Variants in RORA observed in about 807,000 individuals in gnomAD.
The protein encoded by RORA is RAR related orphan receptor A, also known as nuclear receptor ROR-alpha.
A neutral mutation model predicts 69.5 loss-of-function variants in RORA; 7 were observed. The ratio of observed to expected loss-of-function variants is 0.10; its 90% CI spans 0.06 to 0.19. The LOEUF (loss-of-function observed/expected upper bound fraction) is 0.19. Among genes scored for constraint, RORA ranks in the 10% least tolerant of loss-of-function variants. The pLI is 1.00. For missense variants in RORA, 457 were observed against 663.0 expected, an observed-to-expected ratio of 0.69 and a Z score of 3.41; for synonymous variants, 261 against 240.8, an observed-to-expected ratio of 1.08 and a Z score of -0.78.
intron 1 of RORA, among the ~76,000 whole-genome samples, chr15:61,105,364 G>A (rs2078938270): frequency 6.6e-6 from 1 of 152,178 alleles, no homozygotes; most frequent in African/African-American, 2.4e-5. Flanking sequence ...CACTAAGTGT[G>A]TTTAATTATT....
At chr15:60,519,887 T>TATCA (rs1428831683) in intron 3 of RORA, 1 of 152,064 alleles carries the variant, frequency 6.6e-6, no homozygotes, top group Non-Finnish European at 1.5e-5. Context: ...ACAGAATAAC[T>TATCA]ATCATTAAAG....
At chr15:60,652,082 G>A (rs1457271971) in intron 2 of RORA, among the ~76,000 whole-genome samples, 2 of 151,400 alleles carry the variant, frequency 1.3e-5, no homozygotes, top group Admixed American at 6.6e-5. Flanking sequence ...TTCCTGTTAG[G>A]TGTCCTCTGT....
At position 61,119,091 on chromosome 15, in the gene RORA, G is replaced by GC. The variant is rs1183277277; in HGVS notation, c.166+109961_166+109962insG. On this transcript the variant is annotated intron_variant, in intron 1 of 10. Transcript: ENST00000335670. ...GATGCAGTTAACAGAAGGGGGGGGG[G>GC]GGCGCCATGGAGCAGTCGTGTGAGC... 7.0e-3 allele frequency among the ~76,000 whole-genome samples: 1,037 copies of GC among 148,600 alleles called. 31 individuals carry two copies. Among genetic ancestry groups the GC allele is most frequent in the African/African-American group, 0.024 (967 of 40,638 alleles).
intron 1 of RORA, among the ~76,000 whole-genome samples, chr15:60,730,331 C>A (rs1328184083): frequency 6.6e-6 from 1 of 152,220 alleles, no homozygotes; most frequent in Middle Eastern, 3.2e-3. Flanking sequence ...AAATGCCATT[C>A]TTCTCATTCT....
At chr15:60,560,693 G>A (rs2067513260) in intron 2 of RORA, among the ~76,000 whole-genome samples, 1 of 152,222 alleles carries the variant, frequency 6.6e-6, no homozygotes, top group Non-Finnish European at 1.5e-5. Context: ...ACAGCAAGAT[G>A]TGTCTCAATA....
At chr15:60,746,290 A>G (rs1231565412) in intron 1 of RORA, among the ~76,000 whole-genome samples, 2 of 152,060 alleles carry the variant, frequency 1.3e-5, no homozygotes, top group Non-Finnish European at 2.9e-5. Context: ...GTGGTGGGCC[A>G]TGTGCATTTT....
intron 1 of RORA, among the ~76,000 whole-genome samples, chr15:61,007,277 C>G (rs1471256144): frequency 6.6e-6 from 1 of 152,122 alleles, no homozygotes; most frequent in Non-Finnish European, 1.5e-5. Context: ...AATGACCTTG[C>G]TCTAATGAAA....
chr15:60,556,170 C>CA (rs2067354049), intron 2 of RORA, among the ~76,000 whole-genome samples: 1 of 152,194 alleles, frequency 6.6e-6, no homozygotes, highest in African/African-American at 2.4e-5. Flanking sequence ...TCTGGCATTT[C>CA]AGGTGAGTGT....
At chr15:61,152,141 C>T (rs1293108045) in intron 1 of RORA, among the ~76,000 whole-genome samples, 3 of 152,096 alleles carry the variant, frequency 2.0e-5, no homozygotes, top group South Asian at 2.1e-4. Flanking sequence ...ATCATAAACC[C>T]GGAAAGGCAG....
At position 60,858,900 on chromosome 15, in the gene RORA, C is replaced by T. The variant is rs369168935; in HGVS notation, c.167-180214G>A. Among the ~76,000 whole-genome samples, 25 of 152,178 alleles carry T rather than the reference C, an allele frequency of 1.6e-4. No individual in the cohort carries two copies. In the East Asian group the frequency reaches 3.3e-3, roughly 20 times the overall value. ...CAAACGCTCTAATTAGATTGTGCAG[C>T]CGAAAGAAGGCCCGGTGCCCTTGGA... On this transcript the variant is annotated intron_variant, in intron 1 of 10. Transcript: ENST00000335670.
chr15:60,658,891 A>C (rs936051895), intron 2 of RORA, among the ~76,000 whole-genome samples: 6 of 152,204 alleles, frequency 3.9e-5, no homozygotes, highest in African/African-American at 1.4e-4. Flanking sequence ...TTGGAAAGGC[A>C]CTGTAGAAGT....
chr15:60,548,644 A>G (rs922762726), intron 2 of RORA, among the ~76,000 whole-genome samples: 5 of 152,016 alleles, frequency 3.3e-5, no homozygotes, highest in Non-Finnish European at 7.4e-5. Flanking sequence ...GTATTTATTT[A>G]TTTATTTATT....
intron 2 of RORA, among the ~76,000 whole-genome samples, chr15:60,655,955 T>G (rs1368935666): frequency 6.6e-6 from 1 of 152,224 alleles, no homozygotes; most frequent in African/African-American, 2.4e-5. Context: ...AGTGATTATA[T>G]TAGCGATGTA....
chr15:60,630,640 C>T (rs995061113), intron 2 of RORA: 9 of 152,180 alleles, frequency 5.9e-5, no homozygotes, highest in African/African-American at 2.2e-4. Context: ...ACCAAGAAAC[C>T]AAGGAGCGTG....
intron 1 of RORA, among the ~76,000 whole-genome samples, chr15:60,789,786 A>G (rs1484096089): frequency 6.6e-6 from 1 of 152,244 alleles, no homozygotes; most frequent in South Asian, 2.1e-4. Context: ...TTTAAGTTTT[A>G]TCAGCTTTGA....
intron 1 of RORA, among the ~76,000 whole-genome samples, chr15:60,761,116 T>C (rs1158665457): frequency 6.6e-6 from 1 of 152,070 alleles, no homozygotes; most frequent in Non-Finnish European, 1.5e-5. Context: ...AGGAGTTGAA[T>C]GAAACCTTCA....
intron 1 of RORA, among the ~76,000 whole-genome samples, chr15:60,708,497 G>C (rs1007361757): frequency 3.7e-4 from 56 of 152,096 alleles, no homozygotes; most frequent in African/African-American, 1.3e-3. Context: ...ATTAGAAGTT[G>C]AGTTCTTTGT....
At chr15:60,857,047 C>T (rs1352578190) in intron 1 of RORA, among the ~76,000 whole-genome samples, 1 of 152,186 alleles carries the variant, frequency 6.6e-6, no homozygotes, top group Non-Finnish European at 1.5e-5. Flanking sequence ...CATTCCTCCA[C>T]TCTTCATTCA....
At chr15:61,120,376 A>C (rs1335437806) in intron 1 of RORA, among the ~76,000 whole-genome samples, 2 of 151,442 alleles carry the variant, frequency 1.3e-5, no homozygotes, top group African/African-American at 2.5e-5. Flanking sequence ...AGCAGAGCTG[A>C]AGACCATTGT....
Sources: gnomAD v4.1 joint callset for allele counts (sites outside exome capture counted in the v4.1 genomes callset) on GRCh38, gnomAD v4.1.1 for gene constraint, MANE v1.5 for transcripts, NCBI Gene and HGNC (gene_info 2026-07-23, HGNC 2026-07-21) for gene names.